The following ABCA1 variants were observed in gnomAD, a reference collection of about 807,000 sequenced individuals.
ABCA1 encodes the protein ATP binding cassette subfamily A member 1.
ABCA1 carries 133 observed loss-of-function variants against 262.5 expected under a neutral mutation model. The observed-to-expected ratio is 0.51, with a 90% confidence interval of 0.44 to 0.59. ABCA1 has a LOEUF of 0.59. ABCA1 is among the 20% of genes least tolerant of loss of function. The pLI is 0.00. For missense variants in ABCA1, 2,452 were observed against 2,777.5 expected (o/e 0.88, Z 2.63); for synonymous variants, 1,022 against 1,043.5 (o/e 0.98, Z 0.40).
chr9:104,792,998 C>A, intron 41 of ABCA1, 92 bp from the exon 42 acceptor site: 1 of 1,602,216 alleles, frequency 6.2e-7, no homozygotes. Flanking sequence ...ACCTACTTGC[C>A]ACAGTCTCCA....
chr9:104,857,147 T>C (rs534892034), intron 7 of ABCA1, among the ~76,000 whole-genome samples: 3 of 152,170 alleles, frequency 2.0e-5, no homozygotes, highest in South Asian at 2.1e-4. Flanking sequence ...CTACTAAAAA[T>C]ACAAAAAATA....
rs765157757 is a variant in ABCA1, at chr9:104,817,445, G to C, written c.3463-41C>G. On this transcript the variant is annotated intron_variant, in intron 23 of 49. Coordinates refer to ENST00000374736, the MANE Select transcript of ABCA1 (RefSeq NM_005502.4). This position sits in a 1 kb window ranked among gnomAD's most constrained non-coding sequence, Gnocchi z 4.7. ...GAGGTGAGAACGGGTCAGGGACGGA[G>C]CAAGGCAGAGCCACCAGCACCTTCG... 19 of 1,607,312 alleles carry C rather than the reference G, an allele frequency of 1.2e-5. No homozygotes were observed. In the South Asian group the frequency reaches 2.1e-4, roughly 18 times the overall value.
rs1832855260 is a variant in ABCA1 at position 104,826,890 on chromosome 9, G to T, written c.2337+58C>A. On this transcript the variant is annotated intron_variant, in intron 16 of 49. Coordinates refer to ENST00000374736, the MANE Select transcript of ABCA1 (RefSeq NM_005502.4). ...TTCTCAACTTGCTGCTTTTATTCAGGGACTCCAAAGGAAGGTCAAATGCCT... is the reference window on the plus strand; with the variant it reads ...TTCTCAACTTGCTGCTTTTATTCAGTGACTCCAAAGGAAGGTCAAATGCCT... 5 of 1,484,590 alleles carry T rather than the reference G, an allele frequency of 3.4e-6. No individual in the cohort carries two copies. In the East Asian group the frequency reaches 6.8e-5, roughly 20 times the overall value. The allele number at this position is 1,484,590 out of a possible 1,614,324, so 92.0% of individuals were successfully genotyped here.
chr9:104,832,828 C>T, intron 11 of ABCA1, 57 bp from the exon 12 acceptor site: 1 of 1,553,396 alleles, frequency 6.4e-7, no homozygotes, highest in Non-Finnish European at 8.9e-7. Context: ...TTGAGGAGCA[C>T]TACAAAATTT....
chr9:104,842,327 T>C (rs1340508678), intron 8 of ABCA1, among the ~76,000 whole-genome samples: 1 of 152,116 alleles, frequency 6.6e-6, no homozygotes, highest in Non-Finnish European at 1.5e-5. Context: ...CATTTTGCCT[T>C]TTGTTGCTTA....
At position 104,821,409 on chromosome 9, in the gene ABCA1, C is replaced by T; in HGVS notation, c.2926G>A (p.Gly976Arg). 6.2e-7 allele frequency: 1 copy of T among 1,614,146 alleles called. No individual in the cohort carries two copies. The highest frequency in any genetic ancestry group is 8.5e-7 in the Non-Finnish European group (1 of 1,180,042). ...SEMSTIRQNLGVCPQHNVLFD... is the reference protein window; with the variant it reads ...SEMSTIRQNLRVCPQHNVLFD... ...AGCACGTTATGCTGGGGACAGACCC[C>T]CAGGTTCTGCCGGATGGTGCTCATC... The change falls in exon 20 of 50, where the codon GGG becomes AGG. Residue 976 changes from glycine (G) to arginine (R), a missense_variant. Transcript: ENST00000374736.
At position 104,820,080 on chromosome 9, in the gene ABCA1, G is replaced by C. The variant is rs758562247; in HGVS notation, c.2961-11C>G. On this transcript the variant is annotated splice_polypyrimidine_tract_variant and intron_variant, in intron 20 of 49. Coordinates refer to ENST00000374736, the MANE Select transcript of ABCA1 (RefSeq NM_005502.4). Reference sequence around the variant, plus strand: ...TCTTCGACAGTCAGCCTGGGGACAGGGAGGCAGGTCAGCTCTGGGCCCTAC... The same window carrying C: ...TCTTCGACAGTCAGCCTGGGGACAGCGAGGCAGGTCAGCTCTGGGCCCTAC... The C allele has an allele frequency of 1.2e-6, 2 of 1,613,964 alleles. No homozygotes were observed. Among genetic ancestry groups the C allele is most frequent in the African/African-American group, 2.7e-5 (2 of 74,882 alleles).
At chr9:104,842,612 C>G (rs963076759) in intron 8 of ABCA1, among the ~76,000 whole-genome samples, 1 of 152,218 alleles carries the variant, frequency 6.6e-6, no homozygotes, top group Non-Finnish European at 1.5e-5. Context: ...CTTCCTGACT[C>G]TCAGGGAGGG....
At chr9:104,868,615 C>T (rs114300924) in intron 5 of ABCA1, among the ~76,000 whole-genome samples, 1,525 of 152,302 alleles carry the variant, frequency 0.01, 31 homozygotes, top group African/African-American at 0.035. Flanking sequence ...AAATACTTGA[C>T]CTGCTGAGCT....
At chr9:104,823,297 G>A (rs1036480790) in intron 18 of ABCA1, among the ~76,000 whole-genome samples, 3 of 152,108 alleles carry the variant, frequency 2.0e-5, no homozygotes, top group African/African-American at 7.2e-5. Flanking sequence ...ATTCACACAT[G>A]ATAAAATTGC....
At chr9:104,883,338 C>G (rs1251477308) in intron 4 of ABCA1, among the ~76,000 whole-genome samples, 181 bp from the exon 5 acceptor site, 1 of 152,134 alleles carries the variant, frequency 6.6e-6, no homozygotes, top group Non-Finnish European at 1.5e-5. Flanking sequence ...TTCCCTCCCC[C>G]ACCCATCATC....
chr9:104,821,830 T>A (rs1157444803), intron 19 of ABCA1, among the ~76,000 whole-genome samples: 1 of 152,192 alleles, frequency 6.6e-6, no homozygotes, highest in Non-Finnish European at 1.5e-5. Flanking sequence ...CAAGAACATA[T>A]TATTCAAAGA....
intron 5 of ABCA1, among the ~76,000 whole-genome samples, chr9:104,876,997 C>G (rs771455970): frequency 6.6e-6 from 1 of 152,192 alleles, no homozygotes; most frequent in Non-Finnish European, 1.5e-5. Flanking sequence ...AAACATACCA[C>G]TGTGTAAACA....
chr9:104,786,733 G>A, intron 47 of ABCA1, 140 bp downstream of exon 47: 1 of 819,130 alleles, frequency 1.2e-6, no homozygotes, highest in Non-Finnish European at 2.1e-6. Context: ...ATTTTTGTAA[G>A]AATATGCATA....
intron 3 of ABCA1, among the ~76,000 whole-genome samples, chr9:104,885,997 A>G (rs1337244441): frequency 1.3e-5 from 2 of 152,148 alleles, no homozygotes; most frequent in East Asian, 3.9e-4. Context: ...CAGTTTTCTC[A>G]TCTGTAAAAT....
At chr9:104,804,601 G>A (rs1830609832) in intron 32 of ABCA1, 25 bp downstream of exon 32, 2 of 1,586,852 alleles carry the variant, frequency 1.3e-6, no homozygotes, top group Non-Finnish European at 1.7e-6. Flanking sequence ...TAATACGGCA[G>A]GGGCCAAGTT....
At position 104,799,802 on chromosome 9, in the gene ABCA1, G is replaced by C. The variant is rs1183655417; in HGVS notation, c.4943+17C>G. 3 of 1,614,060 alleles carry C rather than the reference G, an allele frequency of 1.9e-6. No homozygotes were observed. The highest frequency in any genetic ancestry group is 1.7e-5 in the Admixed American group (1 of 60,008). On this transcript the variant is annotated intron_variant, in intron 36 of 49. Coordinates refer to ENST00000374736, the MANE Select transcript of ABCA1 (RefSeq NM_005502.4). ...TCCCTTGCCCCACTCCATCTATACA[G>C]ACACAGCCACACTTACAGAGCCACC... is the stretch of plus-strand genomic sequence containing the variant.
At chr9:104,921,674 C>T (rs1281175988) in intron 1 of ABCA1, among the ~76,000 whole-genome samples, 2 of 152,210 alleles carry the variant, frequency 1.3e-5, no homozygotes, top group South Asian at 2.1e-4. Context: ...TGTGATTACC[C>T]TGTTATCTTA....
intron 14 of ABCA1, among the ~76,000 whole-genome samples, chr9:104,830,669 G>A (rs953693888): frequency 4.0e-5 from 6 of 151,684 alleles, no homozygotes; most frequent in Non-Finnish European, 8.8e-5. Context: ...CAGCCTGGGC[G>A]TCAGAGCGAG....
Sources: gnomAD v4.1 joint callset for allele counts (sites outside exome capture counted in the v4.1 genomes callset) on GRCh38, gnomAD v4.1.1 for gene constraint, Gnocchi (gnomAD v3.1) non-coding constraint, MANE v1.5 for transcripts, NCBI Gene and HGNC (gene_info 2026-07-23, HGNC 2026-07-21) for gene names.